Variants in EME1 observed in about 807,000 individuals in gnomAD.
EME1 encodes essential meiotic structure-specific endonuclease 1.
Under a neutral mutation model 59.1 loss-of-function variants are expected in EME1, and 61 were observed. That is an observed-to-expected ratio of 1.03 (90% CI 0.84 to 1.28). The LOEUF (loss-of-function observed/expected upper bound fraction) is 1.28. EME1 is among the 50% of genes most tolerant of loss of function. The pLI, the probability that EME1 is intolerant of heterozygous loss-of-function variation, is 0.00. For synonymous variants in EME1, 230 were observed against 254.2 expected (o/e 0.90, Z 0.90); for missense variants, 635 against 682.6 (o/e 0.93, Z 0.78).
At chr17:50,380,082 A>G (rs1913717316) in intron 7 of EME1, 3 of 471,186 alleles carry the variant, frequency 6.4e-6, no homozygotes, top group Admixed American at 3.7e-5. Context: ...AGAATCTGGT[A>G]TCTTTTCTTC....
At chr17:50,380,201 A>G (rs1598364641) in intron 7 of EME1, 111 bp from the exon 8 acceptor site, 7 of 1,113,706 alleles carry the variant, frequency 6.3e-6, no homozygotes, top group South Asian at 3.2e-5. Flanking sequence ...CAGATGTAAC[A>G]TGGCGCCCAC....
At chr17:50,380,227 T>G in intron 7 of EME1, 85 bp from the exon 8 acceptor site, 16 of 1,352,112 alleles carry the variant, frequency 1.2e-5, no homozygotes, top group Non-Finnish European at 1.5e-5. Context: ...CCAAGGTCAG[T>G]GGGGGGGTTT....
At position 50,380,784 on chromosome 17, in the gene EME1, G is replaced by A. The variant is rs755380042; in HGVS notation, c.1558G>A (p.Asp520Asn). 6.2e-7 allele frequency: 1 copy of A among 1,614,204 alleles called. No homozygotes were observed. Among genetic ancestry groups the A allele is most frequent in the East Asian group, 2.2e-5 (1 of 44,890 alleles). The change falls in exon 9 of 9, where the codon GAT becomes AAT. Residue 520 changes from aspartate (D) to asparagine (N), a missense_variant. Asp to Asn is a conservative substitution (Grantham distance 23). Coordinates refer to ENST00000338165, the MANE Select transcript of EME1 (RefSeq NM_152463.4). ...LVQAYQQCFS[D>N]KERQNLLADI... is the part of the protein sequence containing the mutation. ...CCAGGCTTATCAGCAGTGTTTTTCGGATAAAGAACGCCAGAATTTGCTCGC... is the reference window on the plus strand; with the variant it reads ...CCAGGCTTATCAGCAGTGTTTTTCGAATAAAGAACGCCAGAATTTGCTCGC...
Position 50,379,118 on chromosome 17 carries a change from C to A in EME1, c.1124C>A (p.Pro375His). The A allele has an allele frequency of 6.2e-7, 1 of 1,614,104 alleles. No individual in the cohort carries two copies. Among genetic ancestry groups the A allele is most frequent in the Admixed American group, 1.7e-5 (1 of 60,010 alleles). The change falls in exon 6 of 9, where the codon CCT (proline) becomes CAT (histidine). Residue 375 changes from proline to histidine, a missense_variant. Transcript: ENST00000338165. ...DQEKCFSAQN[P>H]PRRGKQGANK... ...CTCCCCTGCACCAGTGCTCAGAATC[C>A]TCCAAGAAGAGGGAAACAGGGAGCA...
In EME1 at chr17:50,379,727, AAG is replaced by A. The variant is rs1913690805; in HGVS notation, c.1346+163_1346+164del. 7 of 626,824 alleles carry A rather than the reference AAG, an allele frequency of 1.1e-5. No homozygotes were observed. The East Asian group carries it at 1.9e-4, about 17-fold the overall frequency. The allele number at this position is 626,824 out of a possible 1,614,324, so 38.8% of individuals were successfully genotyped here. A position where few individuals can be genotyped will look rare whatever the true frequency, so the allele number is the denominator to read the frequency against. ...TGACCTCACACTGGGGATTCTTGGG[AAG>A]AGTCCTCAAGCCTAGCGCCTTTTCA... On this transcript the variant is annotated intron_variant, in intron 7 of 8. Coordinates refer to ENST00000338165, the MANE Select transcript of EME1 (RefSeq NM_152463.4).
At chr17:50,378,489 A>C in intron 3 of EME1, 106 bp from the exon 4 acceptor site, 1 of 1,025,074 alleles carries the variant, frequency 9.8e-7, no homozygotes, top group Admixed American at 1.8e-5. Flanking sequence ...GATAATGCAT[A>C]AGGGGTGGGA....
intron 3 of EME1, among the ~76,000 whole-genome samples, chr17:50,377,426 C>T (rs1258228955): frequency 6.6e-6 from 1 of 152,184 alleles, no homozygotes; most frequent in African/African-American, 2.4e-5. Flanking sequence ...CTTATAGGGA[C>T]CCAATCAGAA....
chr17:50,380,814 A>T lies in EME1; in HGVS notation c.1588A>T (p.Ile530Leu). The T allele has an allele frequency of 1.2e-6, 2 of 1,614,212 alleles. No individual in the cohort carries two copies. Among genetic ancestry groups the T allele is most frequent in the Non-Finnish European group, 1.7e-6 (2 of 1,180,050 alleles). The change falls in exon 9 of 9, where the codon ATA becomes TTA. Residue 530 changes from isoleucine (I) to leucine (L), a missense_variant. Physicochemically the swap from Ile to Leu is conservative, Grantham distance 5. Coordinates refer to ENST00000338165, the MANE Select transcript of EME1 (RefSeq NM_152463.4). ...AGAACGCCAGAATTTGCTCGCAGAC[A>T]TACAGGTGCGCCGTGGGGAAGGTGT... ...DKERQNLLAD[I>L]QVRRGEGVTS... is the part of the protein sequence containing the mutation.
chr17:50,375,845 T>C lies in EME1; in HGVS notation c.637T>C (p.Cys213Arg), dbSNP rs773279015. 30 of 1,614,102 alleles carry C rather than the reference T, an allele frequency of 1.9e-5. No individual in the cohort carries two copies. In the South Asian group the frequency reaches 2.6e-4, roughly 14 times the overall value. Residue 213 changes from cysteine to arginine, a missense_variant, in exon 2 of 9, where the codon TGC becomes CGC. Physicochemically the swap from Cys to Arg is radical, Grantham distance 180. Transcript: ENST00000338165. ...QKVQGRGSHGCRQQRQARQKE... is the reference protein window; with the variant it reads ...QKVQGRGSHGRRQQRQARQKE... ...GGTCCAGGGAAGAGGCTCACACGGA[T>C]GCCGGCAGCAGAGACAAGCAAGGCA... is the stretch of plus-strand genomic sequence containing the variant.
intron 6 of EME1, 71 bp from the exon 7 acceptor site, chr17:50,379,374 GTGTGGCT>G (rs1913661178): frequency 4.4e-6 from 7 of 1,587,136 alleles, no homozygotes; most frequent in Non-Finnish European, 6.0e-6. Flanking sequence ...AGGGGCTGGG[GTGTGGCT>G]TTAGTGGACA....
At chr17:50,377,280 G>A (rs1050197643) in intron 3 of EME1, among the ~76,000 whole-genome samples, 2 of 151,994 alleles carry the variant, frequency 1.3e-5, no homozygotes, top group African/African-American at 4.8e-5. Flanking sequence ...CATCCTATGG[G>A]GTAGGACTTC....
Position 50,378,839 on chromosome 17 carries a change from A to T in EME1, c.1056A>T (p.Ala352=), listed in dbSNP as rs756338548. ...AGGGCTTTGTAACTGACATCACAGC[A>T]AAGACAGCAGGGAAAGCTCTGTCAC... ...TLQGFVTDIT[A]KTAGKALSLV... is the part of the protein sequence containing the mutation. Residue 352 remains alanine (A), a synonymous_variant, in exon 5 of 9, where the codon GCA becomes GCT. Coordinates refer to ENST00000338165, the MANE Select transcript of EME1 (RefSeq NM_152463.4). The T allele has an allele frequency of 1.2e-6, 2 of 1,614,096 alleles. No individual in the cohort carries two copies. The highest frequency in any genetic ancestry group is 1.7e-6 in the Non-Finnish European group (2 of 1,180,014).
chr17:50,376,672 A>G (rs954524379), intron 3 of EME1, among the ~76,000 whole-genome samples: 2 of 152,196 alleles, frequency 1.3e-5, no homozygotes, highest in Non-Finnish European at 2.9e-5. Flanking sequence ...GATGAGGGGA[A>G]GGAGTGGTTA....
chr17:50,380,227 T>TG (rs938649989), intron 7 of EME1, 85 bp from the exon 8 acceptor site: 63 of 1,352,072 alleles, frequency 4.7e-5, no homozygotes, highest in Admixed American at 1.1e-4. Flanking sequence ...CCAAGGTCAG[T>TG]GGGGGGGTTT....
rs1286065135 is a variant in EME1, at chr17:50,380,772, CAGT to C, written c.1547_1549del (p.Gln516_Cys517delinsArg). 8 of 1,614,024 alleles carry C rather than the reference CAGT, an allele frequency of 5.0e-6. No homozygotes were observed. Among genetic ancestry groups the C allele is most frequent in the Admixed American group, 3.3e-5 (2 of 60,012 alleles). On this transcript the variant is annotated inframe_deletion, in exon 9 of 9. Coordinates refer to ENST00000338165, the MANE Select transcript of EME1 (RefSeq NM_152463.4). Reference sequence around the variant, plus strand: ...CATCTACCACTTCCAGGCTTATCAGCAGTGTTTTTCGGATAAAGAACGCCAGAA... The same window carrying C: ...CATCTACCACTTCCAGGCTTATCAGCGTTTTTCGGATAAAGAACGCCAGAA...
rs1423655949 is a variant in EME1, at chr17:50,375,529, C to G, written c.321C>G (p.His107Gln). Reference protein sequence around the residue: ...AQRLTCKFLTHKQLSPEDSSS... With the variant: ...AQRLTCKFLTQKQLSPEDSSS... ...GGCTTACATGTAAGTTTCTGACCCA[C>G]AAGCAACTGAGCCCTGAGGACTCTA... The change falls in exon 2 of 9, where the codon CAC (histidine) becomes CAG (glutamine). Residue 107 changes from histidine (H) to glutamine (Q), a missense_variant. Coordinates refer to ENST00000338165, the MANE Select transcript of EME1 (RefSeq NM_152463.4). 1.9e-6 allele frequency: 3 copies of G among 1,613,670 alleles called. No homozygotes were observed. The African/African-American group carries it at 4.0e-5, about 22-fold the overall frequency.
At chr17:50,380,204 G>C in intron 7 of EME1, 108 bp from the exon 8 acceptor site, 1 of 1,139,222 alleles carries the variant, frequency 8.8e-7, no homozygotes, top group Non-Finnish European at 1.2e-6. Context: ...ATGTAACATG[G>C]CGCCCACCTC....
At chr17:50,376,036 C>G (rs764612370) in intron 2 of EME1, 30 bp from the exon 3 acceptor site, 6 of 1,609,300 alleles carry the variant, frequency 3.7e-6, no homozygotes, top group Non-Finnish European at 5.1e-6. Context: ...CTGGACCCCC[C>G]ACTGACAGTC....
At chr17:50,374,965 T>G in intron 1 of EME1, 1 of 394,016 alleles carries the variant, frequency 2.5e-6, no homozygotes, top group Non-Finnish European at 4.5e-6. Flanking sequence ...TAACTCTACT[T>G]TGTTTATACT....
Sources: allele counts gnomAD v4.1 joint callset (sites outside exome capture counted in the v4.1 genomes callset), GRCh38; gene constraint gnomAD v4.1.1; transcripts MANE v1.5; gene names NCBI Gene and HGNC (gene_info 2026-07-23, HGNC 2026-07-21).